The following PLA2G4E variants were observed in gnomAD, a reference collection of about 807,000 sequenced individuals.
The protein encoded by PLA2G4E is cytosolic phospholipase A2 epsilon.
A neutral mutation model predicts 109.1 loss-of-function variants in PLA2G4E; 84 were observed. The ratio of observed to expected loss-of-function variants is 0.77; its 90% CI spans 0.65 to 0.92. PLA2G4E has a LOEUF of 0.92. Among genes scored for constraint, PLA2G4E ranks in the 40% least tolerant of loss-of-function variants. The pLI is 0.00. For missense variants in PLA2G4E, 1,057 were observed against 1,076.6 expected (o/e 0.98, Z 0.25); for synonymous variants, 469 against 436.1 (o/e 1.08, Z -0.94).
chr15:42,048,351 A>C (rs1189497202), intron 1 of PLA2G4E, among the ~76,000 whole-genome samples: 3 of 152,238 alleles, frequency 2.0e-5, no homozygotes, highest in Admixed American at 6.5e-5. Flanking sequence ...TTGTTAAGCA[A>C]CACATGACTG....
At chr15:42,050,687 G>A (rs981847626) in exon 1 of PLA2G4E, 7 of 1,550,240 alleles carry the variant, frequency 4.5e-6, no homozygotes, top group South Asian at 1.2e-5. Flanking sequence ...ACAGCCTTCC[G>A]AGGCCTGGAG....
chr15:41,983,562 A>G lies in PLA2G4E; in HGVS notation c.*192T>C, dbSNP rs2068091381. ...TCTAGTGGGTATAAAACCCCAACAG[A>G]GCTCCTCTCTCTCTCTTTCTGACTT... On this transcript the variant is annotated 3_prime_UTR_variant, in exon 20 of 20. Coordinates refer to ENST00000399518, the Ensembl canonical transcript of PLA2G4E. The G allele has an allele frequency of 1.2e-5, 7 of 602,356 alleles. No individual in the cohort carries two copies. In the Admixed American group the frequency reaches 1.5e-4, roughly 13 times the overall value. 37.3% of individuals were successfully genotyped at this position (602,356 alleles called of 1,614,324 possible).
At chr15:41,995,623 G>A in intron 11 of PLA2G4E, 127 bp from the exon 12 acceptor site, 1 of 1,206,592 alleles carries the variant, frequency 8.3e-7, no homozygotes, top group Non-Finnish European at 1.2e-6. Flanking sequence ...GGCAGGGAGT[G>A]CGGCGTTGAG....
chr15:42,007,946 T>C, intron 2 of PLA2G4E, 81 bp from the exon 3 acceptor site: 3 of 1,459,526 alleles, frequency 2.1e-6, no homozygotes, highest in Non-Finnish European at 2.8e-6. Flanking sequence ...GCAAGCCTCT[T>C]CCAGAGCCAG....
intron 1 of PLA2G4E, among the ~76,000 whole-genome samples, chr15:42,018,183 T>C (rs2068614343): frequency 6.6e-6 from 1 of 152,226 alleles, no homozygotes; most frequent in Admixed American, 6.5e-5. Flanking sequence ...GTTTGATCAG[T>C]GTTGCTAGAG....
At chr15:41,987,971 C>T (rs545506497) in intron 16 of PLA2G4E, 78 bp downstream of exon 16, 9 of 845,790 alleles carry the variant, frequency 1.1e-5, no homozygotes, top group African/African-American at 1.7e-5. Flanking sequence ...AGCCGGGGGC[C>T]GCCCCCCATC....
At chr15:42,018,447 T>A (rs1489787909) in intron 1 of PLA2G4E, among the ~76,000 whole-genome samples, 2 of 152,160 alleles carry the variant, frequency 1.3e-5, no homozygotes, top group African/African-American at 4.8e-5. Flanking sequence ...ACAGACATGA[T>A]CAGGCACCAT....
At chr15:42,041,427 C>T (rs1789977076) in intron 1 of PLA2G4E, among the ~76,000 whole-genome samples, 1 of 152,156 alleles carries the variant, frequency 6.6e-6, no homozygotes, top group African/African-American at 2.4e-5. Flanking sequence ...TGGAGCTGGG[C>T]AGCATCCTCC....
chr15:42,007,578 G>A (rs1490006144), intron 3 of PLA2G4E, 151 bp downstream of exon 3: 2 of 925,078 alleles, frequency 2.2e-6, no homozygotes, highest in African/African-American at 3.3e-5. Context: ...GGAAGTAGTG[G>A]GTGTGAGTGG....
chr15:42,001,956 G>C (rs1002933945), intron 6 of PLA2G4E, among the ~76,000 whole-genome samples: 1 of 152,182 alleles, frequency 6.6e-6, no homozygotes, highest in Non-Finnish European at 1.5e-5. Context: ...GCCTCCCAAA[G>C]TGCTGGGATT....
chr15:42,034,946 A>G (rs769839748), intron 1 of PLA2G4E, among the ~76,000 whole-genome samples: 1 of 152,104 alleles, frequency 6.6e-6, no homozygotes, highest in Non-Finnish European at 1.5e-5. Flanking sequence ...CCTGAACAGA[A>G]CTCCACACAG....
chr15:42,010,234 C>T (rs778975430), intron 2 of PLA2G4E: 9 of 487,160 alleles, frequency 1.8e-5, no homozygotes, highest in Non-Finnish European at 3.3e-5. Flanking sequence ...TTCTGTAATG[C>T]ACTTGGCGCG....
At chr15:42,027,821 T>C (rs1214895646) in intron 1 of PLA2G4E, among the ~76,000 whole-genome samples, 2 of 152,240 alleles carry the variant, frequency 1.3e-5, no homozygotes, top group Non-Finnish European at 2.9e-5. Flanking sequence ...CTCTATCTCA[T>C]CCATCACAGC....
intron 1 of PLA2G4E, among the ~76,000 whole-genome samples, chr15:42,046,167 G>A (rs1889412343): frequency 6.6e-6 from 1 of 152,124 alleles, no homozygotes; most frequent in African/African-American, 2.4e-5. Flanking sequence ...CTTCTCACTT[G>A]GCCCGCACTT....
intron 1 of PLA2G4E, among the ~76,000 whole-genome samples, chr15:42,023,010 G>A (rs1359166272): frequency 6.6e-6 from 1 of 152,132 alleles, no homozygotes; most frequent in African/African-American, 2.4e-5. Context: ...CTAGGAGGAA[G>A]AGAGAGGCAT....
chr15:42,018,396 C>T (rs542159363), intron 1 of PLA2G4E, among the ~76,000 whole-genome samples: 127 of 152,242 alleles, frequency 8.3e-4, no homozygotes, highest in African/African-American at 3.0e-3. Context: ...GATGCCCTGG[C>T]TGGGATTGGG....
chr15:42,035,324 A>C (rs1488578325), intron 1 of PLA2G4E, among the ~76,000 whole-genome samples: 2 of 152,200 alleles, frequency 1.3e-5, no homozygotes, highest in East Asian at 3.9e-4. Flanking sequence ...TCCCCTGCAT[A>C]GGGAAAGCCT....
chr15:42,000,301 G>A lies in PLA2G4E; in HGVS notation c.674-19C>T, dbSNP rs561868690. On this transcript the variant is annotated intron_variant, in intron 7 of 19. Coordinates refer to ENST00000399518, the Ensembl canonical transcript of PLA2G4E. The stretch of plus-strand genomic sequence containing the variant: ...TCCTTCACTGGGAGAGAGGACAAGA[G>A]GGTGAGACCCTGGGAGCCTCTCACT... 104 of 1,549,958 alleles carry A rather than the reference G, an allele frequency of 6.7e-5. 1 individual carries two copies. In the South Asian group the frequency reaches 1.2e-3, roughly 17 times the overall value.
At chr15:42,031,920 G>A (rs979201664) in intron 1 of PLA2G4E, among the ~76,000 whole-genome samples, 1 of 152,214 alleles carries the variant, frequency 6.6e-6, no homozygotes, top group South Asian at 2.1e-4. Flanking sequence ...GATCCCCAAT[G>A]TTGGAAGTGG....
Sources: allele counts gnomAD v4.1 joint callset (sites outside exome capture counted in the v4.1 genomes callset), GRCh38; gene constraint gnomAD v4.1.1; transcripts MANE v1.5; gene names NCBI Gene and HGNC (gene_info 2026-07-23, HGNC 2026-07-21).